The following ANXA8 variants were observed in gnomAD, a reference collection of about 807,000 sequenced individuals.
ANXA8 encodes annexin A8, also known as VAC-beta.
A neutral mutation model predicts 26.8 loss-of-function variants in ANXA8; 9 were observed. The observed-to-expected ratio is 0.34, with a 90% CI of 0.20 to 0.59. The LOEUF (loss-of-function observed/expected upper bound fraction) is 0.59. Ranked by LOEUF, ANXA8 falls within the 20% of genes least tolerant of loss-of-function variation. The probability of loss-of-function intolerance (pLI) is 0.84; values close to 1 mark genes in which losing one functional copy is unlikely to be tolerated. For synonymous variants in ANXA8, 39 were observed against 94.8 expected (o/e 0.41, Z 3.42); for missense variants, 83 against 238.5 (o/e 0.35, Z 4.29).
the ANXA8 span, among the ~76,000 whole-genome samples, chr10:47,979,517 TGAG>T: frequency 6.6e-6 from 1 of 151,604 alleles, no homozygotes; most frequent in African/African-American, 2.4e-5. Context: ...GTATAAACCT[TGAG>T]ATGCAGAGAT....
At chr10:47,958,234 T>C in the ANXA8 span, among the ~76,000 whole-genome samples, 1 of 149,846 alleles carries the variant, frequency 6.7e-6, no homozygotes, top group Non-Finnish European at 1.5e-5. Flanking sequence ...ATCCCAACAC[T>C]TTGGGAAGCC....
At chr10:47,720,765 C>CTT in the ANXA8 span, among the ~76,000 whole-genome samples, 2 of 139,608 alleles carry the variant, frequency 1.4e-5, no homozygotes, top group Non-Finnish European at 3.1e-5. Flanking sequence ...CCTTATTTCT[C>CTT]TTTACAGATA....
chr10:47,733,247 CT>C, the ANXA8 span, among the ~76,000 whole-genome samples: 1 of 87,540 alleles, frequency 1.1e-5, no homozygotes, highest in South Asian at 3.6e-4. Flanking sequence ...TTCTTTCTTT[CT>C]TTCTTTCTTT....
chr10:47,721,529 G>T, the ANXA8 span, among the ~76,000 whole-genome samples: 1 of 140,710 alleles, frequency 7.1e-6, no homozygotes, highest in African/African-American at 2.6e-5. Context: ...TTATTTAAAA[G>T]CCTTTTTTTT....
the ANXA8 span, among the ~76,000 whole-genome samples, chr10:47,940,831 A>G: frequency 2.1e-5 from 3 of 144,686 alleles, no homozygotes; most frequent in Non-Finnish European, 4.5e-5. Flanking sequence ...CCATCTCAAA[A>G]AAAAAAAAGA....
At chr10:47,973,573 G>C in the ANXA8 span, 1 of 150,704 alleles carries the variant, frequency 6.6e-6, no homozygotes, top group African/African-American at 2.4e-5. Context: ...ATCACAGCTT[G>C]AAAGGCTCTT....
the ANXA8 span, among the ~76,000 whole-genome samples, chr10:47,501,045 C>T: frequency 6.9e-6 from 1 of 144,502 alleles, no homozygotes; most frequent in Admixed American, 6.9e-5. Context: ...AGGTGCCCGC[C>T]ACCACACCTG....
the ANXA8 span, among the ~76,000 whole-genome samples, chr10:47,498,753 A>AC: frequency 1.9e-4 from 15 of 77,472 alleles, no homozygotes; most frequent in East Asian, 1.2e-3. Context: ...CATCACCCCC[A>AC]CCCCCCCGAC....
At chr10:47,976,468 G>A in the ANXA8 span, among the ~76,000 whole-genome samples, 19 of 151,464 alleles carry the variant, frequency 1.3e-4, no homozygotes, top group African/African-American at 4.6e-4. Context: ...AGCACTTTGG[G>A]AGGCTGAGAT....
At chr10:47,982,832 A>ATATATATATATATATATATG in the ANXA8 span, among the ~76,000 whole-genome samples, 1 of 73,340 alleles carries the variant, frequency 1.4e-5, no homozygotes, top group South Asian at 6.1e-4. Context: ...ATATATATAT[A>ATATATATATATATATATATG]TAAAATTTGA....
the ANXA8 span, among the ~76,000 whole-genome samples, chr10:47,573,365 G>A: frequency 2.0e-5 from 3 of 149,306 alleles, no homozygotes; most frequent in Non-Finnish European, 3.0e-5. Context: ...TCCTGGGCTC[G>A]AGCCATCCTC....
the ANXA8 span, among the ~76,000 whole-genome samples, chr10:47,691,548 G>A: frequency 6.8e-6 from 1 of 146,734 alleles, no homozygotes; most frequent in African/African-American, 2.6e-5. Flanking sequence ...GGCTGAGGCA[G>A]GAAGATTGCT....
At chr10:47,571,830 G>T in the ANXA8 span, among the ~76,000 whole-genome samples, 1 of 147,668 alleles carries the variant, frequency 6.8e-6, no homozygotes, top group Non-Finnish European at 1.5e-5. Context: ...TAGAGACATG[G>T]TCTCATCACG....
the ANXA8 span, among the ~76,000 whole-genome samples, chr10:47,650,610 T>C: frequency 6.9e-6 from 1 of 144,722 alleles, no homozygotes; most frequent in Non-Finnish European, 1.5e-5. Flanking sequence ...ATCGAGACCA[T>C]CCTGGCTAAC....
the ANXA8 span, among the ~76,000 whole-genome samples, chr10:47,561,633 T>C: frequency 6.6e-6 from 1 of 151,884 alleles, no homozygotes; most frequent in Non-Finnish European, 1.5e-5. Context: ...ATAGCTTTTC[T>C]TTCTTTTTTA....
At chr10:47,762,665 C>CGCA in the ANXA8 span, 2 of 826,252 alleles carry the variant, frequency 2.4e-6, no homozygotes, top group South Asian at 5.1e-5. Context: ...AGGCTGGTCT[C>CGCA]GCCGGTCTGG....
chr10:47,475,149 C>A, intron 6 of ANXA8, 145 bp from the exon 7 acceptor site: 1 of 1,349,642 alleles, frequency 7.4e-7, no homozygotes, highest in East Asian at 3.3e-5. Flanking sequence ...TTCTCTTCAG[C>A]CCTTGGTTTC....
At chr10:47,973,981 T>C in the ANXA8 span, among the ~76,000 whole-genome samples, 17 of 150,944 alleles carry the variant, frequency 1.1e-4, no homozygotes, top group African/African-American at 3.9e-4. Flanking sequence ...TATCAGTCTC[T>C]TCCTGATTCA....
chr10:47,578,344 G>A, the ANXA8 span, among the ~76,000 whole-genome samples: 1 of 42,322 alleles, frequency 2.4e-5, no homozygotes, highest in Non-Finnish European at 5.1e-5. Context: ...AGTCCTTCAG[G>A]CTAAAATGAA....
Sources: allele counts gnomAD v4.1 joint callset (sites outside exome capture counted in the v4.1 genomes callset), GRCh38; gene constraint gnomAD v4.1.1; transcripts MANE v1.5; gene names NCBI Gene and HGNC (gene_info 2026-07-23, HGNC 2026-07-21).